The following FILIP1 variants were observed in gnomAD, a reference collection of about 807,000 sequenced individuals.
FILIP1 encodes the protein filamin A interacting protein 1, also known as filamin-A-interacting protein 1.
Under a neutral mutation model 102.1 loss-of-function variants are expected in FILIP1, and 61 were observed. The observed-to-expected ratio is 0.60, with a 90% confidence interval of 0.49 to 0.74. The LOEUF (loss-of-function observed/expected upper bound fraction) is 0.74. Among genes scored for constraint, FILIP1 ranks in the 30% least tolerant of loss-of-function variants. FILIP1 has a pLI of 0.00. For missense variants in FILIP1, 1,314 were observed against 1,441.2 expected (o/e 0.91, Z 1.43); for synonymous variants, 491 against 526.9 (o/e 0.93, Z 0.93).
chr6:75,347,703 A>G (rs929708512), intron 4 of FILIP1, among the ~76,000 whole-genome samples: 2 of 152,030 alleles, frequency 1.3e-5, no homozygotes, highest in Non-Finnish European at 2.9e-5. Flanking sequence ...AAAAACGTTG[A>G]TTCTGACTAG....
At chr6:75,339,206 G>T (rs1413726353) in intron 4 of FILIP1, among the ~76,000 whole-genome samples, 1 of 152,190 alleles carries the variant, frequency 6.6e-6, no homozygotes, top group Non-Finnish European at 1.5e-5. Context: ...AAATTTGTCT[G>T]TTGAAGTCCC....
rs564368779 is a variant in FILIP1 at position 75,433,387 on chromosome 6, T to C, written c.-6-18409A>G. ...CACCATTCTAACTGGTGTGAGATGG[T>C]ATCTCACTGTGGTTTTGATTTGCAT... On this transcript the variant is annotated intron_variant, in intron 1 of 5. Coordinates refer to ENST00000237172, the MANE Select transcript of FILIP1 (RefSeq NM_015687.5). Among the ~76,000 whole-genome samples the C allele has an allele frequency of 3.9e-5, 6 of 152,374 alleles. No individual in the cohort carries two copies. In the South Asian group the frequency reaches 1.2e-3, roughly 32 times the overall value.
rs996208296 is a variant in FILIP1 at position 75,413,643 on chromosome 6, A to C, written c.276+1054T>G. Among the ~76,000 whole-genome samples, 11 of 152,242 alleles carry C rather than the reference A, an allele frequency of 7.2e-5. No individual in the cohort carries two copies. In the East Asian group the frequency reaches 1.7e-3, roughly 24 times the overall value. On this transcript the variant is annotated intron_variant, in intron 2 of 5. Coordinates refer to ENST00000237172, the MANE Select transcript of FILIP1 (RefSeq NM_015687.5). ...AGCTAACAGCACCCATAAGCCAACA[A>C]GGATTTTATTTCATGCAATTGTTAA...
At chr6:75,400,271 CCTTT>C (rs1298250212) in intron 2 of FILIP1, among the ~76,000 whole-genome samples, 5 of 152,066 alleles carry the variant, frequency 3.3e-5, no homozygotes, top group South Asian at 4.1e-4. Flanking sequence ...GGAAATATGC[CCTTT>C]ATTTAAAAAA....
intron 1 of FILIP1, among the ~76,000 whole-genome samples, chr6:75,469,975 T>C (rs184955467): frequency 8.5e-5 from 13 of 152,162 alleles, no homozygotes; most frequent in Admixed American, 3.9e-4. Context: ...GCAAACATGA[T>C]ATTTATTAGA....
chr6:75,424,825 T>A (rs2149700304), intron 1 of FILIP1, among the ~76,000 whole-genome samples: 1 of 152,146 alleles, frequency 6.6e-6, no homozygotes, highest in East Asian at 1.9e-4. Context: ...AGAAAAAAAA[T>A]TAAATACAGC....
chr6:75,489,627 A>G (rs1317723578), intron 1 of FILIP1, among the ~76,000 whole-genome samples: 1 of 152,050 alleles, frequency 6.6e-6, no homozygotes, highest in Non-Finnish European at 1.5e-5. Flanking sequence ...GAAGAAACTG[A>G]GACACAGAGA....
At chr6:75,491,089 T>C (rs1779942943) in intron 1 of FILIP1, among the ~76,000 whole-genome samples, 1 of 152,166 alleles carries the variant, frequency 6.6e-6, no homozygotes, top group African/African-American at 2.4e-5. Context: ...AGCACCAAGC[T>C]GTCTAAACTT....
intron 4 of FILIP1, among the ~76,000 whole-genome samples, chr6:75,321,127 C>T (rs1349559066): frequency 6.6e-6 from 1 of 152,210 alleles, no homozygotes; most frequent in Non-Finnish European, 1.5e-5. Flanking sequence ...AGGCTGGTCT[C>T]AAACTCCTGA....
At chr6:75,465,152 A>G in intron 1 of FILIP1, 1 of 175,042 alleles carries the variant, frequency 5.7e-6, no homozygotes, top group Non-Finnish European at 1.2e-5. Context: ...TGGGCTCTGG[A>G]GCAAAAGTCC....
At chr6:75,447,064 G>A (rs936450566) in intron 1 of FILIP1, among the ~76,000 whole-genome samples, 2 of 152,146 alleles carry the variant, frequency 1.3e-5, no homozygotes, top group Non-Finnish European at 2.9e-5. Context: ...ATATTATTCA[G>A]AGGAAACATT....
intron 1 of FILIP1, among the ~76,000 whole-genome samples, chr6:75,462,737 C>T (rs949388682): frequency 6.6e-6 from 1 of 152,166 alleles, no homozygotes; most frequent in Admixed American, 6.5e-5. Flanking sequence ...ACTGCCCAGT[C>T]TGTGTTTACT....
intron 2 of FILIP1, among the ~76,000 whole-genome samples, chr6:75,398,435 T>C (rs964657051): frequency 1.3e-5 from 2 of 152,144 alleles, no homozygotes; most frequent in Admixed American, 1.3e-4. Flanking sequence ...CACAGGAGCT[T>C]CAGAACAAAC....
exon 7 of FILIP1, chr6:75,293,194 A>G (rs1234068923): frequency 1.3e-5 from 2 of 152,224 alleles, no homozygotes; most frequent in East Asian, 3.8e-4. Context: ...GATTATGATT[A>G]TATTTCAGAA....
chr6:75,480,088 T>C (rs898697318), intron 1 of FILIP1, among the ~76,000 whole-genome samples: 1 of 151,980 alleles, frequency 6.6e-6, no homozygotes, highest in Non-Finnish European at 1.5e-5. Flanking sequence ...GTTTTAAATT[T>C]TTTTTGTTAG....
chr6:75,332,523 G>A lies in FILIP1; in HGVS notation c.630-17321C>T, dbSNP rs562245948. On this transcript the variant is annotated intron_variant, in intron 4 of 5. Transcript: ENST00000237172. ...TCTCCCCAACTCAAAGAGGCCTTCC[G>A]TATCCCATTCTTAAGGAATGTATTG... is the stretch of plus-strand genomic sequence containing the variant. Among the ~76,000 whole-genome samples, 5 of 152,164 alleles carry A rather than the reference G, an allele frequency of 3.3e-5. No homozygotes were observed. In the East Asian group the frequency reaches 5.8e-4, roughly 18 times the overall value.
At chr6:75,460,831 T>A (rs1779000660) in intron 1 of FILIP1, among the ~76,000 whole-genome samples, 1 of 152,230 alleles carries the variant, frequency 6.6e-6, no homozygotes, top group Admixed American at 6.5e-5. Context: ...GTCAGAATAC[T>A]TGTTAGCTTT....
chr6:75,487,969 A>C (rs1459770327), intron 1 of FILIP1, among the ~76,000 whole-genome samples: 2 of 152,008 alleles, frequency 1.3e-5, no homozygotes, highest in Non-Finnish European at 2.9e-5. Context: ...AAACAGAAAA[A>C]ACCTTAAACC....
intron 2 of FILIP1, among the ~76,000 whole-genome samples, chr6:75,391,572 C>A (rs915972331): frequency 1.3e-5 from 2 of 152,118 alleles, no homozygotes; most frequent in African/African-American, 4.8e-5. Context: ...ACCTTCTCCC[C>A]TATCACTAGA....
Sources: allele counts gnomAD v4.1 joint callset (sites outside exome capture counted in the v4.1 genomes callset), GRCh38; gene constraint gnomAD v4.1.1; transcripts MANE v1.5; gene names NCBI Gene and HGNC (gene_info 2026-07-23, HGNC 2026-07-21).